PIBF1: variants seen among roughly 807,000 people sequenced by gnomAD.
The protein encoded by PIBF1 is progesterone-induced-blocking factor 1.
In PIBF1, 90 loss-of-function variants were observed where a neutral mutation model predicts 112.5. That is an observed-to-expected ratio of 0.80 (90% CI 0.67 to 0.95). PIBF1 has a LOEUF of 0.95. PIBF1 is among the 40% of genes least tolerant of loss of function. The pLI is 0.00. For missense variants in PIBF1, 915 were observed against 852.3 expected (o/e 1.07, Z -0.92); for synonymous variants, 301 against 288.6 (o/e 1.04, Z -0.44).
chr13:72,930,242 C>T (rs1022472884), intron 13 of PIBF1, among the ~76,000 whole-genome samples: 1 of 152,028 alleles, frequency 6.6e-6, no homozygotes, highest in Admixed American at 6.6e-5. Flanking sequence ...TTTTTCTGCC[C>T]TATGATTTTA....
intron 16 of PIBF1, among the ~76,000 whole-genome samples, chr13:72,987,929 C>A (rs2043359507): frequency 8.1e-6 from 1 of 123,484 alleles, no homozygotes; most frequent in Non-Finnish European, 1.6e-5. Context: ...GTGGTGTGAT[C>A]TCGGCTCACT....
intron 11 of PIBF1, among the ~76,000 whole-genome samples, chr13:72,907,141 A>G (rs2040729334): frequency 6.6e-6 from 1 of 152,140 alleles, no homozygotes; most frequent in Non-Finnish European, 1.5e-5. Context: ...TTCCCATTTT[A>G]TTCCTTCTCC....
At chr13:72,992,675 G>T (rs1430224954) in intron 16 of PIBF1, among the ~76,000 whole-genome samples, 1 of 152,152 alleles carries the variant, frequency 6.6e-6, no homozygotes, top group Non-Finnish European at 1.5e-5. Context: ...GCCAGGCATG[G>T]TGGTACATGC....
chr13:72,998,772 G>T (rs929533323), intron 16 of PIBF1, 50 bp from the exon 17 acceptor site: 1 of 1,266,668 alleles, frequency 7.9e-7, no homozygotes, highest in Non-Finnish European at 1.1e-6. Flanking sequence ...TTATTAGTCT[G>T]CTTGCTAAAA....
At chr13:72,885,859 A>G (rs1337397735) in intron 10 of PIBF1, among the ~76,000 whole-genome samples, 1 of 152,120 alleles carries the variant, frequency 6.6e-6, no homozygotes, top group East Asian at 1.9e-4. Flanking sequence ...AGTGTTGCTA[A>G]TGATCCATCT....
intron 14 of PIBF1, among the ~76,000 whole-genome samples, chr13:72,952,959 G>A (rs963168913): frequency 2.0e-5 from 3 of 151,936 alleles, no homozygotes; most frequent in Non-Finnish European, 2.9e-5. Context: ...AGTAGGAGGT[G>A]CCCATAGGTA....
At chr13:72,851,850 T>C (rs1256890306) in intron 9 of PIBF1, among the ~76,000 whole-genome samples, 1 of 152,138 alleles carries the variant, frequency 6.6e-6, no homozygotes, top group African/African-American at 2.4e-5. Flanking sequence ...CTACCAACTG[T>C]GGGTCTCCTC....
intron 10 of PIBF1, among the ~76,000 whole-genome samples, chr13:72,870,865 C>G (rs913701910): frequency 2.7e-5 from 4 of 150,136 alleles, no homozygotes; most frequent in African/African-American, 9.8e-5. Flanking sequence ...TCACCTGATT[C>G]AGAGTGTACA....
intron 14 of PIBF1, among the ~76,000 whole-genome samples, chr13:72,957,791 C>A (rs1052891959): frequency 6.6e-6 from 1 of 150,966 alleles, no homozygotes; most frequent in Non-Finnish European, 1.5e-5. Flanking sequence ...GAAAAAAAAA[C>A]TACAAAACTT....
intron 5 of PIBF1, among the ~76,000 whole-genome samples, chr13:72,801,523 T>C (rs1211275990): frequency 6.6e-6 from 1 of 152,166 alleles, no homozygotes; most frequent in Non-Finnish European, 1.5e-5. Context: ...CTATTTTCAG[T>C]AGAGAGAAAT....
At chr13:72,869,817 A>G (rs1317599091) in intron 10 of PIBF1, among the ~76,000 whole-genome samples, 4 of 151,910 alleles carry the variant, frequency 2.6e-5, no homozygotes, top group Non-Finnish European at 5.9e-5. Context: ...CCACACACAC[A>G]CACATATATA....
chr13:72,833,867 G>C (rs999776755), intron 8 of PIBF1, among the ~76,000 whole-genome samples: 1 of 152,178 alleles, frequency 6.6e-6, no homozygotes, highest in South Asian at 2.1e-4. Context: ...CTTTCCCCAG[G>C]TGCTCTGTCC....
chr13:72,928,034 T>TATATATAC, intron 13 of PIBF1, among the ~76,000 whole-genome samples: 1 of 141,994 alleles, frequency 7.0e-6, no homozygotes, highest in Non-Finnish European at 1.5e-5. Flanking sequence ...TACATATATA[T>TATATATAC]ATATATATAT....
At chr13:72,986,328 A>G (rs2043286747) in intron 16 of PIBF1, among the ~76,000 whole-genome samples, 1 of 152,198 alleles carries the variant, frequency 6.6e-6, no homozygotes, top group Non-Finnish European at 1.5e-5. Context: ...TGGGGAAAGT[A>G]GTGAGAAGTC....
rs373755326 is a variant in PIBF1 at position 73,015,834 on chromosome 13, A to G, written c.2224-35A>G. 17 of 1,364,184 alleles carry G rather than the reference A, an allele frequency of 1.2e-5. No individual in the cohort carries two copies. The South Asian group carries it at 2.1e-4, about 17-fold the overall frequency. The allele number at this position is 1,364,184 out of a possible 1,614,324, so 84.5% of individuals were successfully genotyped here. On this transcript the variant is annotated intron_variant, in intron 17 of 17. Coordinates refer to ENST00000326291, the MANE Select transcript of PIBF1 (RefSeq NM_006346.4). ...TGCCTCTCTTGTCCTCCTTGTAAGC[A>G]TTTTATTGGATTTTCTTTTTCTTTT...
chr13:72,908,693 C>A lies in PIBF1; in HGVS notation c.1639+12C>A, dbSNP rs1471668571. 2.5e-6 allele frequency: 4 copies of A among 1,601,484 alleles called. No individual in the cohort carries two copies. On this transcript the variant is annotated intron_variant, in intron 12 of 17. Transcript: ENST00000326291. ...GCAAACTGCAGAAAGTAAGTCTTCC[C>A]CCACACACACATGCACAACTTTTTT...
intron 13 of PIBF1, among the ~76,000 whole-genome samples, chr13:72,929,666 C>G (rs2041641213): frequency 6.6e-6 from 1 of 151,862 alleles, no homozygotes; most frequent in South Asian, 2.1e-4. Flanking sequence ...AATTGTATGT[C>G]AGTAAAGTTT....
rs781424494 is a variant in PIBF1 at position 72,854,152 on chromosome 13, A to G, written c.1319A>G (p.Asp440Gly). 1 of 1,584,300 alleles carries G rather than the reference A, an allele frequency of 6.3e-7. No homozygotes were observed. The change falls in exon 10 of 18, where the codon GAC becomes GGC. Residue 440 changes from aspartate to glycine, a missense_variant. Transcript: ENST00000326291. ...DALEKHDQLL[D>G]RYRELQLSTE... is the part of the protein sequence containing the mutation. ...TTAGAAAAACACGATCAGCTCTTAG[A>G]CAGGTAAGCATCATAAAAATAGAAA...
chr13:72,879,239 T>C (rs1399288534), intron 10 of PIBF1, among the ~76,000 whole-genome samples: 2 of 152,132 alleles, frequency 1.3e-5, no homozygotes, highest in African/African-American at 4.8e-5. Context: ...TTAGGAATTA[T>C]ATATTTTCTG....
Sources: gnomAD v4.1 joint callset for allele counts (sites outside exome capture counted in the v4.1 genomes callset) on GRCh38, gnomAD v4.1.1 for gene constraint, MANE v1.5 for transcripts, NCBI Gene and HGNC (gene_info 2026-07-23, HGNC 2026-07-21) for gene names.